Variants in TBCEL observed in about 807,000 individuals in gnomAD.
The protein encoded by TBCEL is tubulin-specific chaperone cofactor E-like protein.
TBCEL carries 15 observed loss-of-function variants against 44.2 expected under a neutral mutation model. The observed-to-expected ratio is 0.34, with a 90% CI of 0.23 to 0.52. The LOEUF (loss-of-function observed/expected upper bound fraction) is 0.52. Ranked by LOEUF, TBCEL falls within the 20% of genes least tolerant of loss-of-function variation. The pLI is 0.95. For synonymous variants in TBCEL, 171 were observed against 185.4 expected (o/e 0.92, Z 0.63); for missense variants, 319 against 506.3 (o/e 0.63, Z 3.55).
chr11:121,078,906 T>C (rs565776585), intron 8 of TBCEL, among the ~76,000 whole-genome samples: 1 of 152,346 alleles, frequency 6.6e-6, no homozygotes, highest in East Asian at 1.9e-4. Flanking sequence ...TTTTACTCTA[T>C]GTTTGGAGCA....
At chr11:121,054,788 G>C (rs1565498261) in intron 5 of TBCEL, 1 of 287,476 alleles carries the variant, frequency 3.5e-6, no homozygotes, top group Non-Finnish European at 6.4e-6. Context: ...AGTCAGTACT[G>C]CTTAATTTAG....
At chr11:121,075,686 C>T (rs916497622) in intron 8 of TBCEL, among the ~76,000 whole-genome samples, 2 of 151,860 alleles carry the variant, frequency 1.3e-5, no homozygotes, top group Non-Finnish European at 2.9e-5. Context: ...ACGTACAAGT[C>T]CTATACATCT....
chr11:121,036,030 AC>A (rs1372806673), intron 1 of TBCEL: 1 of 152,198 alleles, frequency 6.6e-6, no homozygotes, highest in Non-Finnish European at 1.5e-5. Flanking sequence ...GATTGGCTTA[AC>A]AGATTAGAGC....
At chr11:121,032,299 A>G (rs1945160111) in intron 1 of TBCEL, among the ~76,000 whole-genome samples, 1 of 152,080 alleles carries the variant, frequency 6.6e-6, no homozygotes, top group Admixed American at 6.5e-5. Flanking sequence ...TTTCTTCCCC[A>G]GGGTTGTTTA....
chr11:121,075,412 T>C (rs1946015145), intron 8 of TBCEL, among the ~76,000 whole-genome samples: 1 of 152,000 alleles, frequency 6.6e-6, no homozygotes, highest in Non-Finnish European at 1.5e-5. Context: ...TGAGGCATCA[T>C]GTTGAATGAT....
At chr11:121,026,928 C>T (rs1437419350) in intron 1 of TBCEL, among the ~76,000 whole-genome samples, 3 of 152,140 alleles carry the variant, frequency 2.0e-5, no homozygotes, top group Admixed American at 6.5e-5. Flanking sequence ...GTTTTTGTTT[C>T]TTCTCTGATC....
intron 8 of TBCEL, among the ~76,000 whole-genome samples, chr11:121,074,770 T>C (rs757912705): frequency 6.6e-6 from 1 of 151,974 alleles, no homozygotes; most frequent in Non-Finnish European, 1.5e-5. Context: ...ACTGATCTGT[T>C]TTCTGTCCCT....
At chr11:121,034,809 G>A (rs1945202777) in intron 1 of TBCEL, among the ~76,000 whole-genome samples, 2 of 152,246 alleles carry the variant, frequency 1.3e-5, no homozygotes, top group South Asian at 4.1e-4. Flanking sequence ...ATTTCAGGCT[G>A]GATTAACATG....
At position 121,058,442 on chromosome 11, in the gene TBCEL, C is replaced by G. The variant is rs35380371; in HGVS notation, c.810C>G (p.Thr270=). ...LGIPLLQPYT[T]EERRKLVIAR... is the part of the protein sequence containing the mutation. ...TTCCTCTTCTGCAGCCATATACCACCGAGGAGCGAAGGAAATTGGTAATAG... is the reference window on the plus strand; with the variant it reads ...TTCCTCTTCTGCAGCCATATACCACGGAGGAGCGAAGGAAATTGGTAATAG... Residue 270 remains threonine, a synonymous_variant, in exon 7 of 9, where the codon ACC becomes ACG. Transcript: ENST00000683345. 7.5e-3 allele frequency: 12,138 copies of G among 1,611,660 alleles called. 67 individuals carry two copies. The highest frequency in any genetic ancestry group is 0.021 in the Middle Eastern group (127 of 6,044).
chr11:121,027,388 A>C (rs117476293), intron 1 of TBCEL, among the ~76,000 whole-genome samples: 3,837 of 152,262 alleles, frequency 0.025, 67 homozygotes, highest in Non-Finnish European at 0.037. Flanking sequence ...GCATAGCTTC[A>C]TGAGAGAACT....
chr11:121,029,926 G>A (rs1485742968), intron 1 of TBCEL, among the ~76,000 whole-genome samples: 3 of 152,100 alleles, frequency 2.0e-5, no homozygotes, highest in Non-Finnish European at 4.4e-5. Flanking sequence ...AACTGAACTG[G>A]ACTGACAAAT....
intron 2 of TBCEL, among the ~76,000 whole-genome samples, chr11:121,037,813 GCT>G (rs1349669474): frequency 2.0e-5 from 3 of 152,086 alleles, no homozygotes; most frequent in Non-Finnish European, 4.4e-5. Flanking sequence ...TGTGGATGTG[GCT>G]CTGTGCTTCA....
chr11:121,030,921 T>C (rs1013041122), intron 1 of TBCEL, among the ~76,000 whole-genome samples: 1 of 152,148 alleles, frequency 6.6e-6, no homozygotes, highest in East Asian at 1.9e-4. Flanking sequence ...TTCTGCCCTG[T>C]GTGAACAAAT....
intron 2 of TBCEL, among the ~76,000 whole-genome samples, chr11:121,040,336 AG>A (rs1565493375): frequency 6.6e-6 from 1 of 152,216 alleles, no homozygotes; most frequent in African/African-American, 2.4e-5. Context: ...TAACTTGGCT[AG>A]CAAAGGAAAT....
chr11:121,062,847 A>T (rs879646455), intron 8 of TBCEL, among the ~76,000 whole-genome samples: 7 of 152,284 alleles, frequency 4.6e-5, no homozygotes, highest in Admixed American at 1.3e-4. Flanking sequence ...TGCTGCTGGC[A>T]CTGTCATCTC....
intron 6 of TBCEL, 89 bp downstream of exon 6, chr11:121,055,397 G>A: frequency 7.5e-7 from 1 of 1,339,142 alleles, no homozygotes; most frequent in East Asian, 2.7e-5. Flanking sequence ...TTCAGTCACA[G>A]TTTTACCTTT....
intron 7 of TBCEL, 150 bp downstream of exon 7, chr11:121,058,621 C>T (rs1195296492): frequency 2.0e-6 from 2 of 996,892 alleles, no homozygotes; most frequent in East Asian, 2.6e-5. Context: ...GCTCCAAATC[C>T]TGGATGAAAA....
intron 8 of TBCEL, among the ~76,000 whole-genome samples, chr11:121,065,943 T>A (rs982042646): frequency 2.0e-5 from 3 of 152,208 alleles, no homozygotes; most frequent in Non-Finnish European, 2.9e-5. Flanking sequence ...CTTACTTACC[T>A]GAGGAACTAT....
At position 121,046,725 on chromosome 11, in the gene TBCEL, G is replaced by GTGGT. The variant is rs1945437083; in HGVS notation, c.134-800_134-797dup. Among the ~76,000 whole-genome samples, 6 of 152,186 alleles carry GTGGT rather than the reference G, an allele frequency of 3.9e-5. No homozygotes were observed. The South Asian group carries it at 1.2e-3, about 32-fold the overall frequency. ...TTGTTTTATACCAAATGGGAAAAGA[G>GTGGT]TGGTTGCATTCTCATGTTTATCCTT... On this transcript the variant is annotated intron_variant, in intron 3 of 8. Transcript: ENST00000683345.
Sources: allele counts gnomAD v4.1 joint callset (sites outside exome capture counted in the v4.1 genomes callset), GRCh38; gene constraint gnomAD v4.1.1; transcripts MANE v1.5; gene names NCBI Gene and HGNC (gene_info 2026-07-23, HGNC 2026-07-21).